The following SPAG16 variants were observed in gnomAD, a reference collection of about 807,000 sequenced individuals.
SPAG16 encodes sperm-associated antigen 16 protein.
Under a neutral mutation model 80.4 loss-of-function variants are expected in SPAG16, and 86 were observed. The ratio of observed to expected loss-of-function variants is 1.07; its 90% CI spans 0.90 to 1.28. The LOEUF (loss-of-function observed/expected upper bound fraction) is 1.28, where lower values mean the gene tolerates loss of function less well. Among genes scored for constraint, SPAG16 ranks in the 50% most tolerant of loss-of-function variants. The pLI, the probability that SPAG16 is intolerant of heterozygous loss-of-function variation, is 0.00. For missense variants in SPAG16, 870 were observed against 765.3 expected (o/e 1.14, Z -1.61); for synonymous variants, 294 against 265.9 (o/e 1.11, Z -1.03).
intron 15 of SPAG16, among the ~76,000 whole-genome samples, chr2:214,155,645 A>G (rs906951877): frequency 6.6e-6 from 1 of 152,114 alleles, no homozygotes; most frequent in Non-Finnish European, 1.5e-5. Flanking sequence ...AGGGTAGCCT[A>G]AAATATTTAC....
chr2:214,177,265 T>C (rs1197690604), intron 15 of SPAG16, among the ~76,000 whole-genome samples: 3 of 151,210 alleles, frequency 2.0e-5, no homozygotes, highest in Non-Finnish European at 3.0e-5. Flanking sequence ...CCTTAACTTC[T>C]TTTTCTTAAC....
At chr2:214,300,296 C>G (rs1694455452) in intron 15 of SPAG16, among the ~76,000 whole-genome samples, 1 of 152,040 alleles carries the variant, frequency 6.6e-6, no homozygotes, top group African/African-American at 2.4e-5. Flanking sequence ...ATTTTCTCCC[C>G]TCTGGAAAAC....
At chr2:213,657,444 A>G (rs574567999) in intron 10 of SPAG16, among the ~76,000 whole-genome samples, 2 of 152,306 alleles carry the variant, frequency 1.3e-5, no homozygotes, top group South Asian at 4.1e-4. Flanking sequence ...GATGCTGTAT[A>G]TGGTACTTTT....
chr2:213,657,396 T>C (rs2063259452), intron 10 of SPAG16, among the ~76,000 whole-genome samples: 1 of 152,190 alleles, frequency 6.6e-6, no homozygotes, highest in Admixed American at 6.5e-5. Flanking sequence ...TCCTTGAGCA[T>C]TAACTATATT....
chr2:214,293,500 C>T (rs763443978), intron 15 of SPAG16, among the ~76,000 whole-genome samples: 1 of 152,160 alleles, frequency 6.6e-6, no homozygotes, highest in Non-Finnish European at 1.5e-5. Context: ...AGCTGGTGAG[C>T]AGATTTGTCA....
At chr2:213,918,670 AG>A (rs2078076864) in intron 11 of SPAG16, among the ~76,000 whole-genome samples, 1 of 152,156 alleles carries the variant, frequency 6.6e-6, no homozygotes, top group South Asian at 2.1e-4. Flanking sequence ...CATGACTGTG[AG>A]GCCTCCCCAG....
At chr2:213,862,742 C>T in intron 11 of SPAG16, 114 bp downstream of exon 11, 2 of 1,165,662 alleles carry the variant, frequency 1.7e-6, no homozygotes, top group South Asian at 3.0e-5. Flanking sequence ...ACAACACACC[C>T]TGCACTGAAT....
chr2:214,110,876 A>G (rs1436245961), intron 14 of SPAG16, among the ~76,000 whole-genome samples: 2 of 152,106 alleles, frequency 1.3e-5, no homozygotes, highest in Non-Finnish European at 2.9e-5. Context: ...CATTTCTCTG[A>G]TGGCCAGTGA....
intron 10 of SPAG16, among the ~76,000 whole-genome samples, chr2:213,639,275 C>G (rs1340810852): frequency 6.6e-6 from 1 of 152,172 alleles, no homozygotes; most frequent in African/African-American, 2.4e-5. Flanking sequence ...CTATTCTATT[C>G]ACCATGCCAT....
chr2:213,376,373 A>G (rs2066882559), intron 9 of SPAG16, among the ~76,000 whole-genome samples: 1 of 152,064 alleles, frequency 6.6e-6, no homozygotes, highest in South Asian at 2.1e-4. Flanking sequence ...ATACTAAAAT[A>G]TAGGAAAAGT....
At chr2:213,537,522 T>A (rs1008080167) in intron 10 of SPAG16, among the ~76,000 whole-genome samples, 4 of 152,066 alleles carry the variant, frequency 2.6e-5, no homozygotes, top group Admixed American at 6.6e-5. Context: ...GGAATTCTGC[T>A]CTATATAAGT....
At chr2:214,153,431 G>T (rs969596973) in intron 15 of SPAG16, among the ~76,000 whole-genome samples, 2 of 152,068 alleles carry the variant, frequency 1.3e-5, no homozygotes. Context: ...TCATATCTAA[G>T]ATCTATATCT....
At chr2:214,214,567 T>C (rs995138990) in intron 15 of SPAG16, among the ~76,000 whole-genome samples, 2 of 152,160 alleles carry the variant, frequency 1.3e-5, no homozygotes, top group African/African-American at 4.8e-5. Flanking sequence ...CCTATTCCAA[T>C]GCCTATTCTT....
intron 12 of SPAG16, among the ~76,000 whole-genome samples, chr2:214,011,503 A>G (rs1430751177): frequency 6.6e-6 from 1 of 152,144 alleles, no homozygotes; most frequent in African/African-American, 2.4e-5. Context: ...GGACCATATT[A>G]TCTCTGTTGT....
intron 10 of SPAG16, among the ~76,000 whole-genome samples, chr2:213,516,262 T>A (rs1357859595): frequency 6.6e-6 from 1 of 152,192 alleles, no homozygotes; most frequent in African/African-American, 2.4e-5. Flanking sequence ...CTTCTTTGTG[T>A]GTATTTAAGT....
chr2:213,477,919 C>G (rs1174838368), intron 9 of SPAG16, among the ~76,000 whole-genome samples: 2 of 152,036 alleles, frequency 1.3e-5, no homozygotes, highest in Non-Finnish European at 2.9e-5. Context: ...AATTGTAATC[C>G]CCATAATTCC....
intron 12 of SPAG16, among the ~76,000 whole-genome samples, chr2:213,960,480 C>G (rs1307552244): frequency 6.6e-6 from 1 of 151,978 alleles, no homozygotes; most frequent in East Asian, 1.9e-4. Flanking sequence ...ATAGTTGAAT[C>G]TAATAATGTG....
At chr2:213,428,366 A>C (rs2070077556) in intron 9 of SPAG16, among the ~76,000 whole-genome samples, 1 of 152,180 alleles carries the variant, frequency 6.6e-6, no homozygotes, top group South Asian at 2.1e-4. Flanking sequence ...ACACTATGAG[A>C]AGGGACATCA....
chr2:213,905,272 T>C (rs2077388157), intron 11 of SPAG16, among the ~76,000 whole-genome samples: 1 of 152,238 alleles, frequency 6.6e-6, no homozygotes, highest in African/African-American at 2.4e-5. Context: ...GTTGGGGATA[T>C]GCTATTTCTC....
Sources: allele counts gnomAD v4.1 joint callset (sites outside exome capture counted in the v4.1 genomes callset), GRCh38; gene constraint gnomAD v4.1.1; transcripts MANE v1.5; gene names NCBI Gene and HGNC (gene_info 2026-07-23, HGNC 2026-07-21).